Variants in POLR3F observed in about 807,000 individuals in gnomAD.
POLR3F encodes the protein DNA-directed RNA polymerase III subunit RPC6.
In POLR3F, 31 loss-of-function variants were observed where a neutral mutation model predicts 43.6. That is an observed-to-expected ratio of 0.71 (90% confidence interval 0.53 to 0.96). The LOEUF (loss-of-function observed/expected upper bound fraction) is 0.96. Ranked by LOEUF, POLR3F falls within the 40% of genes least tolerant of loss-of-function variation. The pLI, the probability that POLR3F is intolerant of heterozygous loss-of-function variation, is 0.00. For missense variants in POLR3F, 316 were observed against 391.7 expected, an observed-to-expected ratio of 0.81 and a Z score of 1.63; for synonymous variants, 114 against 132.5, an observed-to-expected ratio of 0.86 and a Z score of 0.96.
intron 5 of POLR3F, among the ~76,000 whole-genome samples, chr20:18,475,873 A>C (rs1378595039): frequency 6.6e-6 from 1 of 152,252 alleles, no homozygotes; most frequent in East Asian, 1.9e-4. Flanking sequence ...GAATAAAACA[A>C]GAATTATAAG....
chr20:18,473,286 T>C (rs564011216), intron 3 of POLR3F, 105 bp from the exon 4 acceptor site: 113 of 557,124 alleles, frequency 2.0e-4, no homozygotes, highest in Non-Finnish European at 3.4e-4. Context: ...TTGGTAAATA[T>C]GTCACTGTGG....
At chr20:18,469,442 C>T (rs1454180466) in intron 2 of POLR3F, 1 of 166,718 alleles carries the variant, frequency 6.0e-6, no homozygotes, top group Non-Finnish European at 1.3e-5. Flanking sequence ...ACACCATCAG[C>T]TCTCTGCTCT....
intron 5 of POLR3F, among the ~76,000 whole-genome samples, chr20:18,475,656 C>T (rs1415839859): frequency 6.6e-6 from 1 of 152,162 alleles, no homozygotes; most frequent in Non-Finnish European, 1.5e-5. Context: ...AGAGCTGGCT[C>T]CCTCGGGGAC....
At chr20:18,472,698 T>G in intron 2 of POLR3F, 144 bp from the exon 3 acceptor site, 1 of 518,984 alleles carries the variant, frequency 1.9e-6, no homozygotes, top group Non-Finnish European at 3.5e-6. Flanking sequence ...TACAGGAAAT[T>G]GTTAGTGATA....
intron 5 of POLR3F, among the ~76,000 whole-genome samples, chr20:18,477,512 G>A (rs1042084583): frequency 1.1e-4 from 16 of 152,114 alleles, no homozygotes; most frequent in African/African-American, 3.6e-4. Context: ...AGCTTTATTC[G>A]TAATCAGCAG....
At chr20:18,471,517 A>T (rs576253538) in intron 2 of POLR3F, among the ~76,000 whole-genome samples, 1 of 152,278 alleles carries the variant, frequency 6.6e-6, no homozygotes, top group East Asian at 1.9e-4. Context: ...CTATCATAAC[A>T]CCTGGCACAG....
chr20:18,471,173 C>T (rs1372530583), intron 2 of POLR3F, among the ~76,000 whole-genome samples: 1 of 152,200 alleles, frequency 6.6e-6, no homozygotes, highest in Non-Finnish European at 1.5e-5. Flanking sequence ...AGCCTCATCT[C>T]CACCACTCTA....
chr20:18,469,270 G>A, intron 2 of POLR3F: 1 of 515,880 alleles, frequency 1.9e-6, no homozygotes, highest in East Asian at 3.2e-5. Flanking sequence ...AGTAGATATG[G>A]GTCCAGTTGG....
At chr20:18,477,834 G>C (rs944300455) in intron 5 of POLR3F, among the ~76,000 whole-genome samples, 1 of 152,172 alleles carries the variant, frequency 6.6e-6, no homozygotes, top group African/African-American at 2.4e-5. Context: ...AAATTATTTT[G>C]TATGACAGAA....
intron 5 of POLR3F, 35 bp downstream of exon 5, chr20:18,475,222 A>G (rs772364026): frequency 6.4e-6 from 5 of 780,608 alleles, no homozygotes; most frequent in South Asian, 6.0e-5. Context: ...CCACTTACAT[A>G]TGTTGCTTCA....
rs1228803667 is a variant in POLR3F at position 18,480,143 on chromosome 20, G to T, written c.535G>T (p.Val179Leu). The T allele has an allele frequency of 6.2e-7, 1 of 1,612,652 alleles. No individual in the cohort carries two copies. The highest frequency in any genetic ancestry group is 1.1e-5 in the South Asian group (1 of 90,966). Residue 179 changes from valine (V) to leucine (L), a missense_variant, in exon 6 of 9, where the codon GTG becomes TTG. By Grantham distance (32) the Val-to-Leu change is conservative (BLOSUM62 1). This residue lies in a region of POLR3F where 109 missense variants were observed against 177.7 expected (regional missense o/e 0.61). Coordinates refer to ENST00000377603, the MANE Select transcript of POLR3F (RefSeq NM_006466.4). ...DQDFESEFVEVLNQQCFKFLQ... is the reference protein window; with the variant it reads ...DQDFESEFVELLNQQCFKFLQ... ...GGATTTTGAATCTGAATTTGTAGAG[G>T]TGCTTAACCAACAGTGTTTTAAATT...
At chr20:18,481,487 C>T in intron 7 of POLR3F, 132 bp from the exon 8 acceptor site, 1 of 636,224 alleles carries the variant, frequency 1.6e-6, no homozygotes, top group Non-Finnish European at 2.8e-6. Context: ...GATCCACCTG[C>T]CTCGGCTTCC....
At chr20:18,468,226 G>A (rs906577561) in intron 1 of POLR3F, among the ~76,000 whole-genome samples, 1 of 152,110 alleles carries the variant, frequency 6.6e-6, no homozygotes, top group Non-Finnish European at 1.5e-5. Flanking sequence ...ACAGGCTCGC[G>A]CCACCACGCC....
rs1415750749 is a variant in POLR3F, at chr20:18,475,207, G to A, written c.429+20G>A. Reference sequence around the variant, plus strand: ...GTAGCAGTGAGTAGTCCTTTCCTCAGATACCCACTTACATATGTTGCTTCA... The same window carrying A: ...GTAGCAGTGAGTAGTCCTTTCCTCAAATACCCACTTACATATGTTGCTTCA... On this transcript the variant is annotated intron_variant, in intron 5 of 8. Transcript: ENST00000377603. The A allele has an allele frequency of 3.5e-6, 3 of 868,328 alleles. No individual in the cohort carries two copies. Among genetic ancestry groups the A allele is most frequent in the Non-Finnish European group, 3.9e-6 (2 of 517,504 alleles). 53.8% of individuals were successfully genotyped at this position (868,328 alleles called of 1,614,324 possible).
intron 8 of POLR3F, 100 bp from the exon 9 acceptor site, chr20:18,483,381 A>G (rs1349235748): frequency 9.5e-6 from 6 of 629,224 alleles, no homozygotes; most frequent in Non-Finnish European, 1.6e-5. Flanking sequence ...AGTCCCTTTC[A>G]GTTTGAAAGT....
chr20:18,477,254 C>T (rs895294192), intron 5 of POLR3F, among the ~76,000 whole-genome samples: 3 of 152,092 alleles, frequency 2.0e-5, no homozygotes, highest in African/African-American at 7.2e-5. Context: ...TAGTGAGATA[C>T]CACTACACAC....
chr20:18,467,715 G>C lies in POLR3F; in HGVS notation c.62+147G>C, dbSNP rs540794242. Reference sequence around the variant, plus strand: ...CGATTGCGGGGTTCTGGACCCACTTGTTCCTTCCCATCCTGGGAGAGCAGA... The same window carrying C: ...CGATTGCGGGGTTCTGGACCCACTTCTTCCTTCCCATCCTGGGAGAGCAGA... On this transcript the variant is annotated intron_variant, in intron 1 of 8. Coordinates refer to ENST00000377603, the MANE Select transcript of POLR3F (RefSeq NM_006466.4). 1.1e-5 allele frequency: 16 copies of C among 1,476,270 alleles called. No individual in the cohort carries two copies. In the Admixed American group the frequency reaches 1.4e-4, roughly 13 times the overall value. 91.4% of individuals were successfully genotyped at this position (1,476,270 alleles called of 1,614,324 possible).
rs1368059216 is a variant in POLR3F, at chr20:18,480,517, C to T, written c.681+8C>T. Reference sequence around the variant, plus strand: ...GAATTGGGAATCAGTAAGGTCAGAACTGAATTTCATCTTATTTTTTAAAAC... The same window carrying T: ...GAATTGGGAATCAGTAAGGTCAGAATTGAATTTCATCTTATTTTTTAAAAC... On this transcript the variant is annotated splice_region_variant and intron_variant, in intron 7 of 8. Transcript: ENST00000377603. 1 of 1,426,480 alleles carries T rather than the reference C, an allele frequency of 7.0e-7. No homozygotes were observed. The highest frequency in any genetic ancestry group is 1.2e-5 in the South Asian group (1 of 86,800). 88.4% of individuals were successfully genotyped at this position (1,426,480 alleles called of 1,614,324 possible). A position where few individuals can be genotyped will look rare whatever the true frequency, so the allele number is the denominator to read the frequency against.
At chr20:18,472,563 AATTAT>A (rs2059759305) in intron 2 of POLR3F, among the ~76,000 whole-genome samples, 1 of 151,634 alleles carries the variant, frequency 6.6e-6, no homozygotes, top group Non-Finnish European at 1.5e-5. Context: ...TATTTATATA[AATTAT>A]ATTTTTATTT....
Sources: gnomAD v4.1 joint callset for allele counts (sites outside exome capture counted in the v4.1 genomes callset) on GRCh38, gnomAD v4.1.1 for gene constraint, gnomAD v4.1.1 regional missense constraint, MANE v1.5 for transcripts, NCBI Gene and HGNC (gene_info 2026-07-23, HGNC 2026-07-21) for gene names.